Variants in CDH12 observed in about 807,000 individuals in gnomAD.
CDH12 encodes cadherin-12.
CDH12 carries 41 observed loss-of-function variants against 74.1 expected under a neutral mutation model. That is an observed-to-expected ratio of 0.55 (90% CI 0.43 to 0.72). CDH12 has a LOEUF of 0.72. Ranked by LOEUF, CDH12 falls within the 30% of genes least tolerant of loss-of-function variation. CDH12 has a pLI of 0.00. For synonymous variants in CDH12, 399 were observed against 355.0 expected (o/e 1.12, Z -1.39); for missense variants, 945 against 977.2 (o/e 0.97, Z 0.44).
At chr5:21,863,297 G>A (rs1030798268) in intron 6 of CDH12, among the ~76,000 whole-genome samples, 2 of 152,186 alleles carry the variant, frequency 1.3e-5, no homozygotes, top group South Asian at 2.1e-4. Flanking sequence ...TTGCCTCACC[G>A]TTGATGTCCA....
rs538959337 is a variant in CDH12, at chr5:22,298,311, T to C, written c.-332-85668A>G. On this transcript the variant is annotated intron_variant, in intron 3 of 14. Transcript: ENST00000382254. The stretch of plus-strand genomic sequence containing the variant: ...AAGAAAGAATATGAGTGTGTATGTA[T>C]ATATAACCAACTGGTGGTATGTTTA... Among the ~76,000 whole-genome samples, 85 of 151,952 alleles carry C rather than the reference T, an allele frequency of 5.6e-4. 2 individuals carry two copies. The highest frequency in any genetic ancestry group is 1.9e-3 in the African/African-American group (79 of 41,502).
intron 1 of CDH12, among the ~76,000 whole-genome samples, chr5:22,529,815 T>A (rs1737506908): frequency 6.6e-6 from 1 of 152,124 alleles, no homozygotes; most frequent in South Asian, 2.1e-4. Context: ...TAATTGTTTA[T>A]CCTTTATTTC....
intron 1 of CDH12, among the ~76,000 whole-genome samples, chr5:22,738,955 G>A (rs35497809): frequency 0.014 from 2,121 of 152,096 alleles, 20 homozygotes; most frequent in Non-Finnish European, 0.019. Context: ...CATATTTAAT[G>A]AATTTTGGTA....
chr5:22,446,530 T>C (rs1472642723), intron 2 of CDH12, among the ~76,000 whole-genome samples: 1 of 152,148 alleles, frequency 6.6e-6, no homozygotes, highest in African/African-American at 2.4e-5. Context: ...AGAAGTTTAA[T>C]AAGCTAATAG....
At chr5:22,376,091 C>T (rs1393245273) in intron 3 of CDH12, among the ~76,000 whole-genome samples, 1 of 152,126 alleles carries the variant, frequency 6.6e-6, no homozygotes, top group Non-Finnish European at 1.5e-5. Context: ...ACATGTGGTT[C>T]ATACACACAA....
At chr5:22,146,563 A>G (rs369941906) in intron 4 of CDH12, among the ~76,000 whole-genome samples, 6 of 152,246 alleles carry the variant, frequency 3.9e-5, no homozygotes, top group Admixed American at 6.5e-5. Flanking sequence ...CCATTTTCTC[A>G]TAACTGTAGA....
At chr5:22,233,087 A>G (rs561165311) in intron 3 of CDH12, among the ~76,000 whole-genome samples, 2 of 151,438 alleles carry the variant, frequency 1.3e-5, no homozygotes, top group East Asian at 3.9e-4. Flanking sequence ...ATTTTAAAAG[A>G]TTACTTTTAA....
At chr5:22,013,865 G>GA (rs1450767064) in intron 5 of CDH12, among the ~76,000 whole-genome samples, 3 of 152,032 alleles carry the variant, frequency 2.0e-5, no homozygotes, top group Admixed American at 1.3e-4. Flanking sequence ...TTGGCTTCTA[G>GA]AAAAAAATAA....
intron 4 of CDH12, among the ~76,000 whole-genome samples, chr5:22,186,306 C>A (rs1749943813): frequency 6.6e-6 from 1 of 152,072 alleles, no homozygotes; most frequent in South Asian, 2.1e-4. Flanking sequence ...AGTCCTTCAC[C>A]CACTTCATTT....
At chr5:22,465,984 A>G (rs979430640) in intron 2 of CDH12, among the ~76,000 whole-genome samples, 2 of 152,210 alleles carry the variant, frequency 1.3e-5, no homozygotes, top group Admixed American at 1.3e-4. Context: ...CACCAGCATC[A>G]TAAGATTAGG....
At chr5:22,593,011 C>T (rs761085774) in intron 1 of CDH12, among the ~76,000 whole-genome samples, 1 of 125,922 alleles carries the variant, frequency 7.9e-6, no homozygotes, top group Non-Finnish European at 1.6e-5. Context: ...GCCTGAGTGA[C>T]AGAGAGAGAC....
chr5:22,849,620 T>C (rs1737457902), intron 1 of CDH12, among the ~76,000 whole-genome samples: 2 of 152,118 alleles, frequency 1.3e-5, no homozygotes, highest in African/African-American at 2.4e-5. Context: ...CATATATCCA[T>C]TTGAACACAT....
intron 1 of CDH12, among the ~76,000 whole-genome samples, chr5:22,539,305 A>G (rs180949039): frequency 1.3e-5 from 2 of 152,308 alleles, no homozygotes; most frequent in Non-Finnish European, 2.9e-5. Flanking sequence ...TCAAAGGGAG[A>G]CACTTCATGG....
intron 4 of CDH12, among the ~76,000 whole-genome samples, chr5:22,154,585 GTGTACACATATATATACACACTATATA>G (rs1462568120): frequency 1.1e-3 from 160 of 147,718 alleles, no homozygotes; most frequent in Middle Eastern, 3.6e-3. Flanking sequence ...ATATGTATAT[GTGTACACATATATATACACACTATATA>G]TGTACACATA....
chr5:21,937,089 A>C (rs1178940649), intron 6 of CDH12, among the ~76,000 whole-genome samples: 1 of 152,220 alleles, frequency 6.6e-6, no homozygotes, highest in East Asian at 1.9e-4. Flanking sequence ...GAATGGAAAG[A>C]ATCATTTTAT....
intron 3 of CDH12, among the ~76,000 whole-genome samples, chr5:22,363,877 C>A (rs1289172619): frequency 1.3e-5 from 2 of 152,168 alleles, no homozygotes; most frequent in African/African-American, 4.8e-5. Context: ...TAAACTAGAC[C>A]AAAGGAACAG....
At chr5:22,804,035 C>T (rs369630816) in intron 1 of CDH12, among the ~76,000 whole-genome samples, 2 of 151,564 alleles carry the variant, frequency 1.3e-5, no homozygotes, top group East Asian at 1.9e-4. Context: ...ATGAAAGACC[C>T]GCTTGCATAT....
chr5:22,450,119 C>A (rs1561413030), intron 2 of CDH12, among the ~76,000 whole-genome samples: 1 of 151,958 alleles, frequency 6.6e-6, no homozygotes, highest in Non-Finnish European at 1.5e-5. Flanking sequence ...CTTCTGAAAT[C>A]TCTTCTCTTG....
intron 1 of CDH12, among the ~76,000 whole-genome samples, chr5:22,532,959 T>G (rs1737660280): frequency 1.3e-5 from 2 of 152,054 alleles, no homozygotes; most frequent in African/African-American, 4.8e-5. Context: ...AATATTATCA[T>G]AGTCCAAAAG....
Sources: allele counts gnomAD v4.1 joint callset (sites outside exome capture counted in the v4.1 genomes callset), GRCh38; gene constraint gnomAD v4.1.1; transcripts MANE v1.5; gene names NCBI Gene and HGNC (gene_info 2026-07-23, HGNC 2026-07-21).